The following SSBP3 variants were observed in gnomAD, a reference collection of about 807,000 sequenced individuals.
The protein encoded by SSBP3 is single-stranded DNA-binding protein 3.
Under a neutral mutation model 69.6 loss-of-function variants are expected in SSBP3, and 5 were observed. The ratio of observed to expected loss-of-function variants is 0.07; its 90% confidence interval spans 0.04 to 0.15. The LOEUF (loss-of-function observed/expected upper bound fraction) is 0.15, where lower values mean the gene tolerates loss of function less well. Among genes scored for constraint, SSBP3 ranks in the 10% least tolerant of loss-of-function variants. The pLI is 1.00. For synonymous variants in SSBP3, 196 were observed against 193.4 expected, an observed-to-expected ratio of 1.01 and a Z score of -0.11; for missense variants, 312 against 534.0, an observed-to-expected ratio of 0.58 and a Z score of 4.10.
At chr1:54,303,328 C>CGCTGCCCTT (rs985109108) in intron 4 of SSBP3, among the ~76,000 whole-genome samples, 2 of 150,618 alleles carry the variant, frequency 1.3e-5, no homozygotes, top group African/African-American at 5.0e-5. Context: ...TCTGATGCCT[C>CGCTGCCCTT]GCTGCCCTTG....
intron 17 of SSBP3, 45 bp from the exon 18 acceptor site, chr1:54,227,205 G>T: frequency 8.5e-7 from 1 of 1,177,430 alleles, no homozygotes; most frequent in South Asian, 1.2e-5. Flanking sequence ...GGATTGTGGG[G>T]AGGCCGCTGA....
intron 4 of SSBP3, among the ~76,000 whole-genome samples, chr1:54,368,479 G>T (rs1294924919): frequency 7.0e-6 from 1 of 142,950 alleles, no homozygotes; most frequent in African/African-American, 2.5e-5. Context: ...CACATTTAGG[G>T]AAAAAAAAAA....
At chr1:54,263,578 A>G (rs1199262090) in intron 5 of SSBP3, among the ~76,000 whole-genome samples, 4 of 152,214 alleles carry the variant, frequency 2.6e-5, no homozygotes, top group Non-Finnish European at 1.5e-5. Flanking sequence ...TTTACAAGGA[A>G]AGCAGGAGCT....
In SSBP3 at chr1:54,258,345, C is replaced by G. The variant is rs770065839; in HGVS notation, c.367-196G>C. Among the ~76,000 whole-genome samples, 1 of 152,022 alleles carries G rather than the reference C, an allele frequency of 6.6e-6. No individual in the cohort carries two copies. The highest frequency in any genetic ancestry group is 1.5e-5 in the Non-Finnish European group (1 of 68,010). On this transcript the variant is annotated intron_variant, in intron 5 of 17. Coordinates refer to ENST00000610401, the Ensembl canonical transcript of SSBP3. This position sits in a 1 kb window ranked among gnomAD's most constrained non-coding sequence, Gnocchi z 4.5. ...AACGGTGTAAAACGGCGAGCGGGAGCGAGAGAAGCTGATAAATACATTCAC... is the reference window on the plus strand; with the variant it reads ...AACGGTGTAAAACGGCGAGCGGGAGGGAGAGAAGCTGATAAATACATTCAC...
intron 4 of SSBP3, among the ~76,000 whole-genome samples, chr1:54,351,258 G>A (rs957745834): frequency 3.3e-5 from 5 of 152,320 alleles, no homozygotes; most frequent in African/African-American, 1.2e-4. Context: ...CTGGTGGTGG[G>A]TGACTTTCTT....
chr1:54,276,334 C>T (rs775002450), intron 5 of SSBP3, among the ~76,000 whole-genome samples: 8 of 152,050 alleles, frequency 5.3e-5, no homozygotes, highest in East Asian at 1.9e-4. Flanking sequence ...ACTTCCTGGC[C>T]GGGCGTGGTG....
At chr1:54,277,147 A>C (rs1407070713) in intron 5 of SSBP3, among the ~76,000 whole-genome samples, 1 of 152,048 alleles carries the variant, frequency 6.6e-6, no homozygotes, top group East Asian at 1.9e-4. Context: ...TCTATAAATG[A>C]GAAGCTTGGA....
At chr1:54,407,162 G>T (rs922026002), upstream of SSBP3, among the ~76,000 whole-genome samples, 9 of 152,142 alleles carry the variant, frequency 5.9e-5, no homozygotes, top group African/African-American at 2.2e-4. Context: ...CGGGGGGGAG[G>T]GGGGCTGGGG....
At chr1:54,243,371 C>G (rs1644676178) in intron 9 of SSBP3, 72 bp from the exon 10 acceptor site, 1 of 1,538,870 alleles carries the variant, frequency 6.5e-7, no homozygotes, top group Admixed American at 1.7e-5. Flanking sequence ...GAGAAACAAA[C>G]AGACAAAACA....
chr1:54,317,140 C>T (rs1646128989), intron 4 of SSBP3, among the ~76,000 whole-genome samples: 1 of 152,102 alleles, frequency 6.6e-6, no homozygotes, highest in Non-Finnish European at 1.5e-5. Context: ...TGTACAATGG[C>T]AGGGTGGAGA....
intron 4 of SSBP3, among the ~76,000 whole-genome samples, chr1:54,401,264 A>G (rs568829668): frequency 2.0e-4 from 31 of 152,302 alleles, no homozygotes; most frequent in African/African-American, 7.2e-4. Context: ...AAAGAACTAC[A>G]ATCTGATGTT....
intron 15 of SSBP3, 57 bp from the exon 16 acceptor site, chr1:54,228,534 T>C: frequency 6.2e-7 from 1 of 1,607,362 alleles, no homozygotes; most frequent in Non-Finnish European, 8.5e-7. Flanking sequence ...CGGAGGGGTC[T>C]CCCCTCGTCC....
intron 4 of SSBP3, among the ~76,000 whole-genome samples, chr1:54,382,526 G>T (rs2100730058): frequency 6.6e-6 from 1 of 152,354 alleles, no homozygotes; most frequent in Admixed American, 6.5e-5. Flanking sequence ...AGACAGATTA[G>T]ATGAATATCT....
At chr1:54,290,233 T>C (rs1298653060) in intron 4 of SSBP3, among the ~76,000 whole-genome samples, 1 of 152,154 alleles carries the variant, frequency 6.6e-6, no homozygotes, top group Non-Finnish European at 1.5e-5. Context: ...CACCTCACTT[T>C]ACCTTCTGCA....
chr1:54,401,874 G>A, exon 4 of SSBP3: 1 of 1,613,506 alleles, frequency 6.2e-7, no homozygotes, highest in Non-Finnish European at 8.5e-7. Context: ...ATCATGAAAG[G>A]CTTTTGCTTC....
At chr1:54,325,822 C>T (rs1646291440) in intron 4 of SSBP3, among the ~76,000 whole-genome samples, 1 of 152,232 alleles carries the variant, frequency 6.6e-6, no homozygotes, top group African/African-American at 2.4e-5. Flanking sequence ...CCACACTCCT[C>T]TCCTTATTTT....
chr1:54,228,218 G>A (rs370231297), intron 17 of SSBP3, 37 bp downstream of exon 17: 17 of 1,566,232 alleles, frequency 1.1e-5, no homozygotes, highest in South Asian at 4.4e-5. Flanking sequence ...TCCCCAGGCC[G>A]TGGGGACGAG....
chr1:54,253,197 T>G (rs953418164), intron 7 of SSBP3, among the ~76,000 whole-genome samples: 19 of 149,902 alleles, frequency 1.3e-4, no homozygotes, highest in Non-Finnish European at 2.4e-4. Context: ...TTTTTGTTTT[T>G]TTTTTTTTTT....
intron 4 of SSBP3, among the ~76,000 whole-genome samples, chr1:54,323,760 C>T (rs1214060904): frequency 6.6e-6 from 1 of 152,072 alleles, no homozygotes; most frequent in Non-Finnish European, 1.5e-5. Flanking sequence ...AAGGCTCTGC[C>T]CCAGAGACTG....
Sources: gnomAD v4.1 joint callset for allele counts (sites outside exome capture counted in the v4.1 genomes callset) on GRCh38, gnomAD v4.1.1 for gene constraint, Gnocchi (gnomAD v3.1) non-coding constraint, MANE v1.5 for transcripts, NCBI Gene and HGNC (gene_info 2026-07-23, HGNC 2026-07-21) for gene names.